The following GRAMD2A variants were observed in gnomAD, a reference collection of about 807,000 sequenced individuals.
GRAMD2A encodes GRAM domain-containing protein 2A.
Under a neutral mutation model 51.1 loss-of-function variants are expected in GRAMD2A, and 37 were observed. The ratio of observed to expected loss-of-function variants is 0.72; its 90% CI spans 0.56 to 0.95. The LOEUF is 0.95. Ranked by LOEUF, GRAMD2A falls within the 40% of genes least tolerant of loss-of-function variation. GRAMD2A has a pLI of 0.00. For synonymous variants in GRAMD2A, 136 were observed against 157.1 expected, an observed-to-expected ratio of 0.87 and a Z score of 1.01; for missense variants, 414 against 426.9, an observed-to-expected ratio of 0.97 and a Z score of 0.27.
chr15:72,178,743 T>C (rs1387205389), intron 1 of GRAMD2A, among the ~76,000 whole-genome samples: 2 of 151,634 alleles, frequency 1.3e-5, no homozygotes, highest in Non-Finnish European at 2.9e-5. Flanking sequence ...CCCGGCTAAT[T>C]TTTTGTATTT....
Position 72,187,817 on chromosome 15 carries a change from T to C in GRAMD2A, c.41+9914A>G, listed in dbSNP as rs12902661. On this transcript the variant is annotated intron_variant, in intron 1 of 11. Transcript: ENST00000309731. ...ACAGGTGTGAGTGAGTCACTGTACC[T>C]GGCCATAATATCTTTTTTTCCTAAC... 3.3e-5 allele frequency among the ~76,000 whole-genome samples: 5 copies of C among 152,086 alleles called. 1 individual carries two copies. The highest frequency in any genetic ancestry group is 7.4e-5 in the Non-Finnish European group (5 of 67,996).
rs762167860 is a variant in GRAMD2A at position 72,166,728 on chromosome 15, AG to A, written c.472-26del. On this transcript the variant is annotated intron_variant, in intron 6 of 11. Coordinates refer to ENST00000309731, the MANE Select transcript of GRAMD2A (RefSeq NM_001012642.3). The surrounding 1 kb of genome is among the most constrained non-coding windows in gnomAD (Gnocchi z 4.1). The stretch of plus-strand genomic sequence containing the variant: ...ACTGGGACATGGAAAGAAAACAGAC[AG>A]GGGTAGGGTGAGATGAGACTCCTTG... 1.8e-5 allele frequency: 29 copies of A among 1,596,042 alleles called. No individual in the cohort carries two copies. The African/African-American group carries it at 3.7e-4, about 21-fold the overall frequency.
chr15:72,171,850 G>A (rs750932876), intron 1 of GRAMD2A, among the ~76,000 whole-genome samples: 5 of 136,616 alleles, frequency 3.7e-5, no homozygotes, highest in Non-Finnish European at 7.8e-5. Flanking sequence ...TTTTTTTTGA[G>A]ATGGAGTCTC....
chr15:72,182,129 C>G (rs952427610), intron 1 of GRAMD2A, among the ~76,000 whole-genome samples: 2 of 152,044 alleles, frequency 1.3e-5, no homozygotes, highest in African/African-American at 4.8e-5. Flanking sequence ...CTTTGGGAGG[C>G]CGAGGAGGGT....
chr15:72,189,328 T>C (rs2140560168), intron 1 of GRAMD2A, among the ~76,000 whole-genome samples: 1 of 152,332 alleles, frequency 6.6e-6, no homozygotes, highest in African/African-American at 2.4e-5. Context: ...CACACAAGAC[T>C]AAATATAGGT....
intron 10 of GRAMD2A, 117 bp from the exon 11 acceptor site, chr15:72,162,494 C>G: frequency 2.9e-6 from 2 of 693,774 alleles, no homozygotes. Flanking sequence ...TTAAAGAGCC[C>G]TTTGTCCTGC....
intron 1 of GRAMD2A, among the ~76,000 whole-genome samples, chr15:72,171,406 CT>C (rs2081608777): frequency 6.6e-6 from 1 of 152,006 alleles, no homozygotes; most frequent in Non-Finnish European, 1.5e-5. Context: ...AACATATAAC[CT>C]ATGTAAATGG....
At chr15:72,197,316 T>C (rs1309589458) in intron 1 of GRAMD2A, among the ~76,000 whole-genome samples, 2 of 152,178 alleles carry the variant, frequency 1.3e-5, no homozygotes, top group East Asian at 1.9e-4. Context: ...AATCCAACCT[T>C]TGGGTCGGGG....
intron 1 of GRAMD2A, among the ~76,000 whole-genome samples, chr15:72,185,409 G>A (rs117004810): frequency 0.026 from 3,954 of 152,160 alleles, 89 homozygotes; most frequent in Admixed American, 0.05. Flanking sequence ...GGCCAGGCAG[G>A]TCTTCAACTC....
chr15:72,179,328 C>T (rs1277037862), intron 1 of GRAMD2A, among the ~76,000 whole-genome samples: 2 of 152,330 alleles, frequency 1.3e-5, no homozygotes, highest in African/African-American at 2.4e-5. Flanking sequence ...AAAGATGAGC[C>T]GGCCTGTCAG....
chr15:72,165,287 G>GCCT, intron 8 of GRAMD2A, 67 bp downstream of exon 8: 1 of 1,448,546 alleles, frequency 6.9e-7, no homozygotes, highest in South Asian at 1.1e-5. Context: ...CCCCTAGGAG[G>GCCT]CCCAGAAGCC....
At chr15:72,193,990 G>A (rs2081787938) in intron 1 of GRAMD2A, among the ~76,000 whole-genome samples, 1 of 152,196 alleles carries the variant, frequency 6.6e-6, no homozygotes, top group African/African-American at 2.4e-5. Context: ...AATTACACAG[G>A]AAGCTCCATT....
At chr15:72,191,253 G>C (rs2081765924) in intron 1 of GRAMD2A, among the ~76,000 whole-genome samples, 1 of 151,896 alleles carries the variant, frequency 6.6e-6, no homozygotes, top group African/African-American at 2.4e-5. Context: ...AGGCTGGAGT[G>C]CAATGGTGTG....
chr15:72,186,387 C>G, intron 1 of GRAMD2A, among the ~76,000 whole-genome samples: 1 of 151,454 alleles, frequency 6.6e-6, no homozygotes. Flanking sequence ...TACAGTGGCG[C>G]CATCTCGGCT....
chr15:72,197,145 G>A (rs1037707780), intron 1 of GRAMD2A, among the ~76,000 whole-genome samples: 22 of 152,196 alleles, frequency 1.4e-4, no homozygotes, highest in Non-Finnish European at 2.8e-4. Flanking sequence ...TCTCGAGGCC[G>A]GGAGACCGGC....
At chr15:72,188,628 AT>A (rs1188909180) in intron 1 of GRAMD2A, among the ~76,000 whole-genome samples, 1 of 151,886 alleles carries the variant, frequency 6.6e-6, no homozygotes, top group South Asian at 2.1e-4. Context: ...ACGAATTGGG[AT>A]TTTTACATGT....
intron 1 of GRAMD2A, among the ~76,000 whole-genome samples, chr15:72,190,744 T>A (rs1191704450): frequency 6.6e-6 from 1 of 152,132 alleles, no homozygotes; most frequent in East Asian, 1.9e-4. Context: ...AATTGTTGGG[T>A]CTGAACAAAG....
At position 72,197,763 on chromosome 15, in the gene GRAMD2A, A is replaced by C. The variant is rs752495006; in HGVS notation, c.9T>G (p.Ala3=). The change falls in exon 1 of 12, where the codon GCT becomes GCG. Residue 3 remains alanine (A), a synonymous_variant. Transcript: ENST00000309731. The part of the protein sequence containing the change: MT[A]LSRSEATEEG... The stretch of plus-strand genomic sequence containing the variant: ...CCTCGGTGGCCTCGCTCCGGCTTAA[A>C]GCGGTCATCCCGGCGCCTGCACCCA... The C allele has an allele frequency of 7.6e-7, 1 of 1,323,138 alleles. No homozygotes were observed. Among genetic ancestry groups the C allele is most frequent in the Non-Finnish European group, 9.7e-7 (1 of 1,028,700 alleles). The allele number at this position is 1,323,138 out of a possible 1,614,324, so 82.0% of individuals were successfully genotyped here.
At chr15:72,191,211 T>C (rs937568662) in intron 1 of GRAMD2A, among the ~76,000 whole-genome samples, 5 of 152,084 alleles carry the variant, frequency 3.3e-5, no homozygotes, top group African/African-American at 1.2e-4. Flanking sequence ...ACATCTTTTT[T>C]TTTTTTAAAT....
Sources: allele counts gnomAD v4.1 joint callset (sites outside exome capture counted in the v4.1 genomes callset), GRCh38; gene constraint gnomAD v4.1.1; non-coding constraint Gnocchi (gnomAD v3.1); transcripts MANE v1.5; gene names NCBI Gene and HGNC (gene_info 2026-07-23, HGNC 2026-07-21).